The following MRPL42 variants were observed in gnomAD, a reference collection of about 807,000 sequenced individuals.
MRPL42 encodes mitochondrial ribosomal protein L42.
MRPL42 carries 17 observed loss-of-function variants against 17.9 expected under a neutral mutation model. The ratio of observed to expected loss-of-function variants is 0.95; its 90% CI spans 0.65 to 1.42. The LOEUF (loss-of-function observed/expected upper bound fraction) is 1.42. Ranked by LOEUF, MRPL42 falls within the 40% of genes most tolerant of loss-of-function variation. The pLI, the probability that MRPL42 is intolerant of heterozygous loss-of-function variation, is 0.00. For missense variants in MRPL42, 177 were observed against 175.2 expected (o/e 1.01, Z -0.06); for synonymous variants, 59 against 54.4 (o/e 1.08, Z -0.37).
At chr12:93,469,492 G>T in intron 2 of MRPL42, 137 bp downstream of exon 2, 1 of 636,390 alleles carries the variant, frequency 1.6e-6, no homozygotes, top group Non-Finnish European at 2.7e-6. Context: ...AAACCTAAAT[G>T]TCAGTCAGAA....
chr12:93,486,986 T>G (rs1044303147), intron 4 of MRPL42, among the ~76,000 whole-genome samples: 1 of 152,156 alleles, frequency 6.6e-6, no homozygotes, highest in Non-Finnish European at 1.5e-5. Flanking sequence ...TTTCTCTTTT[T>G]TGAGACAGGG....
intron 2 of MRPL42, chr12:93,470,650 G>A: frequency 1.1e-6 from 1 of 879,500 alleles, no homozygotes; most frequent in Non-Finnish European, 1.5e-6. Context: ...AGTGTTTATT[G>A]TTCCCATCTT....
At chr12:93,490,824 T>G (rs1953398319) in intron 5 of MRPL42, among the ~76,000 whole-genome samples, 1 of 152,238 alleles carries the variant, frequency 6.6e-6, no homozygotes, top group African/African-American at 2.4e-5. Context: ...ATTTAATAAC[T>G]GGGGGTATAT....
rs1206219381 is a variant in MRPL42 at position 93,509,507 on chromosome 12, C to T, written c.*8286C>T. The T allele has an allele frequency of 6.6e-6, 1 of 150,784 alleles. No homozygotes were observed. Among genetic ancestry groups the T allele is most frequent in the Non-Finnish European group, 1.5e-5 (1 of 67,636 alleles). The allele number at this position is 150,784 out of a possible 1,614,324, so 9.3% of individuals were successfully genotyped here. A position where few individuals can be genotyped will look rare whatever the true frequency, so the allele number is the denominator to read the frequency against. On this transcript the variant is annotated 3_prime_UTR_variant, in exon 6 of 6. Coordinates refer to ENST00000549982, the MANE Select transcript of MRPL42 (RefSeq NM_014050.4). ...TTTTTGCCAGGCACAGTGGCACATG[C>T]CTGTAGACCTAGCTACTCAGGAGGC...
rs1953659223 is a variant in MRPL42, at chr12:93,505,487, C to T, written c.*4266C>T. ...CTTTTAGGCAAAGGGAATGCTTCTTCAGATTTTTTTTTTTCCCCAGAAGTT... is the reference window on the plus strand; with the variant it reads ...CTTTTAGGCAAAGGGAATGCTTCTTTAGATTTTTTTTTTTCCCCAGAAGTT... On this transcript the variant is annotated 3_prime_UTR_variant, in exon 6 of 6. Coordinates refer to ENST00000549982, the MANE Select transcript of MRPL42 (RefSeq NM_014050.4). 1 of 84,744 alleles carries T rather than the reference C, an allele frequency of 1.2e-5. No individual in the cohort carries two copies. Among genetic ancestry groups the T allele is most frequent in the South Asian group, 3.2e-4 (1 of 3,144 alleles). The allele number at this position is 84,744 out of a possible 1,614,324, so 5.2% of individuals were successfully genotyped here.
Position 93,502,138 on chromosome 12 carries a change from A to G in MRPL42, c.*917A>G, listed in dbSNP as rs896306603. 5.9e-5 allele frequency: 9 copies of G among 152,258 alleles called. No homozygotes were observed. The South Asian group carries it at 1.7e-3, about 28-fold the overall frequency. 9.4% of individuals were successfully genotyped at this position (152,258 alleles called of 1,614,324 possible). ...TCCTGGAAATTTTTCTAGATAGAAT[A>G]TTATGTAATTTGTTTTGAAGGTTTT... On this transcript the variant is annotated 3_prime_UTR_variant, in exon 6 of 6. Transcript: ENST00000549982.
At chr12:93,487,049 G>A (rs1346107044) in intron 4 of MRPL42, among the ~76,000 whole-genome samples, 1 of 151,912 alleles carries the variant, frequency 6.6e-6, no homozygotes, top group Non-Finnish European at 1.5e-5. Flanking sequence ...AGGTAGCCTC[G>A]ACCTCCTGGT....
chr12:93,481,718 C>T (rs191586293), intron 4 of MRPL42, among the ~76,000 whole-genome samples: 1 of 152,268 alleles, frequency 6.6e-6, no homozygotes, highest in African/African-American at 2.4e-5. Context: ...TAGAGATATT[C>T]TAATTACCAG....
intron 2 of MRPL42, among the ~76,000 whole-genome samples, chr12:93,469,602 G>C (rs543125462): frequency 8.0e-4 from 121 of 150,818 alleles, no homozygotes; most frequent in Non-Finnish European, 1.4e-3. Context: ...TTTGAGACCA[G>C]CCTGGGCAAC....
intron 5 of MRPL42, 52 bp from the exon 6 acceptor site, chr12:93,501,124 G>A: frequency 7.3e-7 from 1 of 1,368,998 alleles, no homozygotes; most frequent in Non-Finnish European, 9.9e-7. Context: ...ATTTTTATCA[G>A]GAATAATTTT....
intron 2 of MRPL42, among the ~76,000 whole-genome samples, chr12:93,471,405 C>T (rs1184301902): frequency 6.6e-6 from 1 of 152,042 alleles, no homozygotes; most frequent in Non-Finnish European, 1.5e-5. Flanking sequence ...CTTAAATGAT[C>T]CTCCTGCCTT....
intron 4 of MRPL42, among the ~76,000 whole-genome samples, chr12:93,482,724 T>TA (rs1292676049): frequency 6.6e-6 from 1 of 152,190 alleles, no homozygotes; most frequent in East Asian, 1.9e-4. Context: ...TAGCTTGGAC[T>TA]ATAGGCACAC....
chr12:93,475,481 A>G (rs1244197843), intron 2 of MRPL42, among the ~76,000 whole-genome samples: 1 of 152,112 alleles, frequency 6.6e-6, no homozygotes, highest in Non-Finnish European at 1.5e-5. Flanking sequence ...TACTGAGGAC[A>G]TGGTAAAGGC....
rs1210308829 is a variant in MRPL42 at position 93,505,427 on chromosome 12, T to G, written c.*4206T>G. 6.6e-6 allele frequency: 1 copy of G among 152,224 alleles called. No individual in the cohort carries two copies. The highest frequency in any genetic ancestry group is 1.5e-5 in the Non-Finnish European group (1 of 68,040). 9.4% of individuals were successfully genotyped at this position (152,224 alleles called of 1,614,324 possible). On this transcript the variant is annotated 3_prime_UTR_variant, in exon 6 of 6. Coordinates refer to ENST00000549982, the MANE Select transcript of MRPL42 (RefSeq NM_014050.4). ...AAACACTGGTAGTAAGCAAACTATT[T>G]TATTTGCTAAAGGCATAAATAAATG... is the stretch of plus-strand genomic sequence containing the variant.
rs188415952 is a variant in MRPL42 at position 93,475,800 on chromosome 12, C to T, written c.71-1154C>T. Among the ~76,000 whole-genome samples the T allele has an allele frequency of 3.4e-3, 521 of 151,836 alleles. 6 individuals are homozygous for T. Among genetic ancestry groups the T allele is most frequent in the African/African-American group, 0.012 (493 of 41,440 alleles). The stretch of plus-strand genomic sequence containing the variant: ...GAGATCGAGACCATCCTGGCTAACA[C>T]GGCGAACCCCGTCTCTACTAAAAAT... On this transcript the variant is annotated intron_variant, in intron 2 of 5. Coordinates refer to ENST00000549982, the MANE Select transcript of MRPL42 (RefSeq NM_014050.4).
intron 4 of MRPL42, among the ~76,000 whole-genome samples, chr12:93,480,744 G>A (rs763484961): frequency 6.7e-6 from 1 of 150,350 alleles, no homozygotes. Context: ...GTTTCACCAT[G>A]TTGGGCAGTA....
chr12:93,476,922 C>T, intron 2 of MRPL42, 32 bp from the exon 3 acceptor site: 1 of 1,566,702 alleles, frequency 6.4e-7, no homozygotes, highest in Non-Finnish European at 8.8e-7. Context: ...TCAAATTAAC[C>T]AAATCTGTTT....
chr12:93,469,292 G>A lies in MRPL42; in HGVS notation c.7G>A (p.Val3Ile), dbSNP rs770170534. Residue 3 changes from valine to isoleucine, a missense_variant, in exon 2 of 6, where the codon GTA becomes ATA. Physicochemically the swap from Val to Ile is conservative, Grantham distance 29. Coordinates refer to ENST00000549982, the MANE Select transcript of MRPL42 (RefSeq NM_014050.4). The stretch of plus-strand genomic sequence containing the variant: ...ATAAGCATCTTGAAACACCATGGCT[G>A]TAGCTGCAGTAAAATGGGTGATGTC... MA[V>I]AAVKWVMSKR... is the part of the protein sequence containing the mutation. The A allele has an allele frequency of 1.9e-6, 3 of 1,610,596 alleles. No individual in the cohort carries two copies. Among genetic ancestry groups the A allele is most frequent in the Non-Finnish European group, 2.5e-6 (3 of 1,178,756 alleles).
In MRPL42 at chr12:93,507,946, T is replaced by TA. The variant is rs1310105074; in HGVS notation, c.*6736dup. Reference sequence around the variant, plus strand: ...GGGCAACATAGTGAGAGCCCATCTGTAAAAAAAAAAATTTTTTGAGATGGA... The same window carrying TA: ...GGGCAACATAGTGAGAGCCCATCTGTAAAAAAAAAAAATTTTTTGAGATGGA... On this transcript the variant is annotated 3_prime_UTR_variant, in exon 6 of 6. Coordinates refer to ENST00000549982, the MANE Select transcript of MRPL42 (RefSeq NM_014050.4). 5.5e-4 allele frequency: 82 copies of TA among 149,370 alleles called. No homozygotes were observed. Among genetic ancestry groups the TA allele is most frequent in the African/African-American group, 1.1e-3 (44 of 40,912 alleles). The allele number at this position is 149,370 out of a possible 1,614,324, so 9.3% of individuals were successfully genotyped here.
Sources: allele counts gnomAD v4.1 joint callset (sites outside exome capture counted in the v4.1 genomes callset), GRCh38; gene constraint gnomAD v4.1.1; transcripts MANE v1.5; gene names NCBI Gene and HGNC (gene_info 2026-07-23, HGNC 2026-07-21).